AMBN: variants seen among roughly 807,000 people sequenced by gnomAD.
AMBN encodes enamel matrix protein.
AMBN carries 54 observed loss-of-function variants against 48.0 expected under a neutral mutation model. That is an observed-to-expected ratio of 1.12 (90% CI 0.90 to 1.41). AMBN has a LOEUF of 1.41. Among genes scored for constraint, AMBN ranks in the 40% most tolerant of loss-of-function variants. The pLI is 0.00. For missense variants in AMBN, 571 were observed against 547.3 expected, an observed-to-expected ratio of 1.04 and a Z score of -0.43; for synonymous variants, 186 against 190.0, an observed-to-expected ratio of 0.98 and a Z score of 0.17.
At chr4:70,605,503 T>C (rs144286664) in intron 12 of AMBN, among the ~76,000 whole-genome samples, 2 of 152,316 alleles carry the variant, frequency 1.3e-5, no homozygotes, top group African/African-American at 4.8e-5. Context: ...GGACCCCATA[T>C]TTCTGGCAGC....
intron 2 of AMBN, among the ~76,000 whole-genome samples, chr4:70,595,444 C>T (rs1369978764): frequency 6.6e-6 from 1 of 152,022 alleles, no homozygotes; most frequent in Non-Finnish European, 1.5e-5. Flanking sequence ...CTCAGCCTCC[C>T]AAAGTTCCGG....
At chr4:70,604,733 C>T (rs1348033499) in intron 12 of AMBN, among the ~76,000 whole-genome samples, 2 of 150,550 alleles carry the variant, frequency 1.3e-5, no homozygotes, top group South Asian at 4.1e-4. Context: ...TGGCTCATGC[C>T]TATAATCCCA....
intron 3 of AMBN, among the ~76,000 whole-genome samples, chr4:70,597,334 C>A (rs1737408436): frequency 6.6e-6 from 1 of 151,570 alleles, no homozygotes; most frequent in African/African-American, 2.4e-5. Flanking sequence ...AAAATTACTA[C>A]CTTAATTAAA....
chr4:70,599,403 T>C, intron 4 of AMBN, 133 bp from the exon 5 acceptor site: 1 of 590,034 alleles, frequency 1.7e-6, no homozygotes, highest in Non-Finnish European at 2.8e-6. Flanking sequence ...ATTGCGCCAC[T>C]GCACTCCAGC....
In AMBN at chr4:70,603,321, T is replaced by A; in HGVS notation, c.708+2T>A. ...ATGCCACAAAATAAACAATCTCCAGTAAGTTTTTTTTAATACCACATCTCT... is the reference window on the plus strand; with the variant it reads ...ATGCCACAAAATAAACAATCTCCAGAAAGTTTTTTTTAATACCACATCTCT... On this transcript the variant is annotated splice_donor_variant, in intron 10 of 12. Coordinates refer to ENST00000322937, the MANE Select transcript of AMBN (RefSeq NM_016519.6). LOFTEE classifies it high-confidence loss of function. 3 of 1,613,592 alleles carry A rather than the reference T, an allele frequency of 1.9e-6. No individual in the cohort carries two copies. The highest frequency in any genetic ancestry group is 2.5e-6 in the Non-Finnish European group (3 of 1,179,778).
At chr4:70,593,230 T>C in intron 1 of AMBN, 97 bp from the exon 2 acceptor site, 4 of 946,314 alleles carry the variant, frequency 4.2e-6, no homozygotes, top group East Asian at 5.2e-5. Context: ...GTGGTTTTTG[T>C]AAGAGCAGAG....
At position 70,603,002 on chromosome 4, in the gene AMBN, G is replaced by A. The variant is rs1737559622; in HGVS notation, c.640G>A (p.Gly214Ser). The A allele has an allele frequency of 6.2e-7, 1 of 1,605,590 alleles. No homozygotes were observed. The highest frequency in any genetic ancestry group is 1.1e-5 in the South Asian group (1 of 88,282). Residue 214 changes from glycine to serine, a missense_variant, in exon 9 of 13, where the codon GGT becomes AGT. Gly to Ser is a moderately conservative substitution (Grantham distance 56, BLOSUM62 0). Transcript: ENST00000322937. ...AGGATTGGATTTTGCTGATCCACAA[G>A]GTTCAACAGTAAGTACAGATCTCAA... The part of the protein sequence containing the change: ...LPGLDFADPQ[G>S]STIFQIARLI...
chr4:70,593,680 C>G (rs1438086686), intron 2 of AMBN, among the ~76,000 whole-genome samples: 1 of 152,062 alleles, frequency 6.6e-6, no homozygotes, highest in East Asian at 1.9e-4. Context: ...GCCTAGCCAA[C>G]ATGGCTAAAC....
In AMBN at chr4:70,602,786, T is replaced by C. The variant is rs778170186; in HGVS notation, c.571-12T>C. 6.4e-7 allele frequency: 1 copy of C among 1,569,036 alleles called. No homozygotes were observed. The highest frequency in any genetic ancestry group is 1.2e-5 in the South Asian group (1 of 83,250). On this transcript the variant is annotated splice_polypyrimidine_tract_variant and intron_variant, in intron 7 of 12. Transcript: ENST00000322937. The stretch of plus-strand genomic sequence containing the variant: ...TTTTTACTGATAATTTTAATATTTA[T>C]CTACAATATAGCTCCCAGGAATGGA...
At chr4:70,595,345 G>A (rs745981017) in intron 2 of AMBN, among the ~76,000 whole-genome samples, 4 of 151,782 alleles carry the variant, frequency 2.6e-5, no homozygotes, top group Admixed American at 6.6e-5. Context: ...GTGTCACCAC[G>A]CCCAGCTAAT....
intron 2 of AMBN, among the ~76,000 whole-genome samples, chr4:70,594,240 G>A (rs1029208939): frequency 6.6e-6 from 1 of 152,110 alleles, no homozygotes; most frequent in African/African-American, 2.4e-5. Flanking sequence ...CATAGTGATG[G>A]GGCTAATTGT....
Position 70,602,832 on chromosome 4 carries a change from C to T in AMBN, c.605C>T (p.Pro202Leu), listed in dbSNP as rs761701631. ...PGMDFPDPQG[P>L]SLPGLDFADP... is the part of the protein sequence containing the mutation. Reference sequence around the variant, plus strand: ...ATGGATTTTCCTGATCCACAAGGTCCATCAGTAAGTACAGATCTCAGTGAG... The same window carrying T: ...ATGGATTTTCCTGATCCACAAGGTCTATCAGTAAGTACAGATCTCAGTGAG... The change falls in exon 8 of 13, where the codon CCA (proline) becomes CTA (leucine). Residue 202 changes from proline to leucine, a missense_variant. By Grantham distance (98) the Pro-to-Leu change is moderately conservative. Coordinates refer to ENST00000322937, the MANE Select transcript of AMBN (RefSeq NM_016519.6). The T allele has an allele frequency of 3.8e-6, 6 of 1,591,736 alleles. No individual in the cohort carries two copies. The East Asian group carries it at 6.7e-5, about 18-fold the overall frequency.
In AMBN at chr4:70,606,682, C is replaced by T. The variant is rs1480409487; in HGVS notation, c.1296C>T (p.Ala432=). ...AAACATCCATGCCAGGAAACAAAGC[C>T]CAGGAGCCCGAGATGATGCATGACG... The part of the protein sequence containing the change: ...SLQTSMPGNK[A]QEPEMMHDAW... Residue 432 remains alanine, a synonymous_variant, in exon 13 of 13, where the codon GCC becomes GCT. Coordinates refer to ENST00000322937, the MANE Select transcript of AMBN (RefSeq NM_016519.6). The T allele has an allele frequency of 2.5e-6, 4 of 1,614,026 alleles. No individual in the cohort carries two copies. The highest frequency in any genetic ancestry group is 3.4e-6 in the Non-Finnish European group (4 of 1,179,950).
chr4:70,598,142 T>C (rs1320748757), intron 3 of AMBN, among the ~76,000 whole-genome samples: 1 of 152,238 alleles, frequency 6.6e-6, no homozygotes, highest in African/African-American at 2.4e-5. Flanking sequence ...TAATTAATGA[T>C]AAAAGCAACT....
At chr4:70,601,729 T>A (rs1429825210) in intron 6 of AMBN, 75 bp downstream of exon 6, 3 of 1,370,822 alleles carry the variant, frequency 2.2e-6, no homozygotes, top group Non-Finnish European at 3.1e-6. Flanking sequence ...GCAGGGCACT[T>A]TTAAATAATC....
At chr4:70,596,907 C>A (rs1737395084) in intron 2 of AMBN, 92 bp from the exon 3 acceptor site, 4 of 1,057,244 alleles carry the variant, frequency 3.8e-6, no homozygotes, top group Non-Finnish European at 4.2e-6. Context: ...TCTCAGGTAG[C>A]CCGTATGTAC....
chr4:70,600,636 G>A (rs1737499043), intron 5 of AMBN, among the ~76,000 whole-genome samples: 1 of 152,122 alleles, frequency 6.6e-6, no homozygotes, highest in Non-Finnish European at 1.5e-5. Flanking sequence ...GCTGGTCTGA[G>A]GAGTTTACAA....
chr4:70,601,392 A>G (rs1560387961), intron 5 of AMBN, 26 bp from the exon 6 acceptor site: 1 of 1,608,136 alleles, frequency 6.2e-7, no homozygotes, highest in Non-Finnish European at 8.5e-7. Flanking sequence ...ATCCCTTCCT[A>G]ACACTCTTTT....
intron 11 of AMBN, 63 bp from the exon 12 acceptor site, chr4:70,603,814 T>G: frequency 6.4e-7 from 1 of 1,565,736 alleles, no homozygotes. Context: ...ACTTTTAACT[T>G]TGTCTTGAGT....
Sources: allele counts gnomAD v4.1 joint callset (sites outside exome capture counted in the v4.1 genomes callset), GRCh38; gene constraint gnomAD v4.1.1; transcripts MANE v1.5; gene names NCBI Gene and HGNC (gene_info 2026-07-23, HGNC 2026-07-21).